The following CREG1 variants were observed in gnomAD, a reference collection of about 807,000 sequenced individuals.
The protein encoded by CREG1 is cellular repressor of E1A stimulated genes 1.
CREG1 carries 20 observed loss-of-function variants against 19.9 expected under a neutral mutation model. The ratio of observed to expected loss-of-function variants is 1.01; its 90% CI spans 0.71 to 1.46. CREG1 has a LOEUF of 1.46. CREG1 is among the 40% of genes most tolerant of loss of function. CREG1 has a pLI of 0.00. For missense variants in CREG1, 290 were observed against 314.9 expected, an observed-to-expected ratio of 0.92 and a Z score of 0.60; for synonymous variants, 141 against 143.3, an observed-to-expected ratio of 0.98 and a Z score of 0.12.
intron 3 of CREG1, among the ~76,000 whole-genome samples, chr1:167,543,474 A>G (rs996113688): frequency 3.3e-5 from 5 of 150,840 alleles, no homozygotes; most frequent in African/African-American, 1.2e-4. Context: ...GAGGAATAAT[A>G]CCTTCCAAAA....
chr1:167,552,229 T>C (rs1395528707), intron 1 of CREG1, among the ~76,000 whole-genome samples: 1 of 152,196 alleles, frequency 6.6e-6, no homozygotes, highest in Non-Finnish European at 1.5e-5. Context: ...ATGGGGTATA[T>C]AATACCTACT....
intron 3 of CREG1, among the ~76,000 whole-genome samples, chr1:167,543,994 C>T (rs953331176): frequency 1.3e-5 from 2 of 152,208 alleles, no homozygotes; most frequent in Non-Finnish European, 2.9e-5. Flanking sequence ...AAGATAACTG[C>T]GCTTTAGAGA....
chr1:167,547,916 G>C lies in CREG1; in HGVS notation c.474+86C>G, dbSNP rs1656356453. 15 of 1,457,924 alleles carry C rather than the reference G, an allele frequency of 1.0e-5. 1 individual carries two copies. The South Asian group carries it at 1.4e-4, about 13-fold the overall frequency. 90.3% of individuals were successfully genotyped at this position (1,457,924 alleles called of 1,614,324 possible). A position where few individuals can be genotyped will look rare whatever the true frequency, so the allele number is the denominator to read the frequency against. On this transcript the variant is annotated intron_variant, in intron 2 of 3. Coordinates refer to ENST00000370509, the MANE Select transcript of CREG1 (RefSeq NM_003851.3). ...AGCCTGGGAGACAGAGTGAGACTCT[G>C]TCTCAAAAGAAAAATGATCTATTCT... is the stretch of plus-strand genomic sequence containing the variant.
At chr1:167,546,560 T>C (rs7516079) in intron 2 of CREG1, among the ~76,000 whole-genome samples, 101,130 of 151,770 alleles carry the variant, frequency 0.67, 34,434 homozygotes, top group East Asian at 0.94. Context: ...GAAAATGGCA[T>C]GAACCCGGGA....
chr1:167,553,052 GAA>G lies in CREG1; in HGVS notation c.354+334_354+335del, dbSNP rs61415477. 6.0e-3 allele frequency among the ~76,000 whole-genome samples: 849 copies of G among 142,056 alleles called. 3 individuals are homozygous for G. Among genetic ancestry groups the G allele is most frequent in the Non-Finnish European group, 7.9e-3 (513 of 65,314 alleles). 93.2% of individuals were successfully genotyped at this position (142,056 alleles called of 152,430 possible). A position where few individuals can be genotyped will look rare whatever the true frequency, so the allele number is the denominator to read the frequency against. Reference sequence around the variant, plus strand: ...ACAAAGTGAGATTCTGTCTCAAAGGGAAAAAAAAAAAAAAAGAGAATAGGAGC... The same window carrying G: ...ACAAAGTGAGATTCTGTCTCAAAGGGAAAAAAAAAAAAAGAGAATAGGAGC... On this transcript the variant is annotated intron_variant, in intron 1 of 3. Coordinates refer to ENST00000370509, the MANE Select transcript of CREG1 (RefSeq NM_003851.3).
chr1:167,545,611 G>A (rs7546274), intron 3 of CREG1, among the ~76,000 whole-genome samples: 2,237 of 152,178 alleles, frequency 0.015, 35 homozygotes, highest in Non-Finnish European at 0.026. Flanking sequence ...CAGACTGCCT[G>A]AGCTCAGGAG....
Position 167,553,394 on chromosome 1 carries a change from G to GT in CREG1, c.347dup (p.Asn116LysfsTer26). 1 of 1,424,174 alleles carries GT rather than the reference G, an allele frequency of 7.0e-7. No homozygotes were observed. Among genetic ancestry groups the GT allele is most frequent in the Admixed American group, 2.8e-5 (1 of 35,216 alleles). 88.2% of individuals were successfully genotyped at this position (1,424,174 alleles called of 1,614,324 possible). On this transcript the variant is annotated frameshift_variant, in exon 1 of 4. Transcript: ENST00000370509. LOFTEE classifies it high-confidence loss of function. Reference sequence around the variant, plus strand: ...GCCGCGGGCCCCAGCTCACCTGCAGGTTGCTCACGGAGAGCTGCAGCGGGC... The same window carrying GT: ...GCCGCGGGCCCCAGCTCACCTGCAGGTTTGCTCACGGAGAGCTGCAGCGGGC...
Position 167,548,111 on chromosome 1 carries a change from T to C in CREG1, c.365A>G (p.Tyr122Cys), listed in dbSNP as rs781368173. Residue 122 changes from tyrosine (Y) to cysteine (C), a missense_variant, in exon 2 of 4, where the codon TAT becomes TGT. Tyr to Cys is a radical substitution (Grantham distance 194). Transcript: ENST00000370509. ...LSVSNLQENPYATLTMTLAQT... is the reference protein window; with the variant it reads ...LSVSNLQENPCATLTMTLAQT... ...TGCCAAAGTCATGGTCAGTGTAGCA[T>C]ATGGATTCTCCTATAGAGAGAAAAT... 6.1e-5 allele frequency: 98 copies of C among 1,611,056 alleles called. No homozygotes were observed. Among genetic ancestry groups the C allele is most frequent in the Non-Finnish European group, 7.6e-5 (89 of 1,177,482 alleles).
At chr1:167,542,816 G>A (rs1157003748) in intron 3 of CREG1, among the ~76,000 whole-genome samples, 1 of 152,186 alleles carries the variant, frequency 6.6e-6, no homozygotes, top group East Asian at 1.9e-4. Flanking sequence ...GGGCAAGTCT[G>A]TAATCCATGA....
chr1:167,551,853 G>A (rs1656428063), intron 1 of CREG1, among the ~76,000 whole-genome samples: 1 of 152,164 alleles, frequency 6.6e-6, no homozygotes, highest in South Asian at 2.1e-4. Context: ...GAATGGGCTG[G>A]GAATAAGAAA....
intron 2 of CREG1, among the ~76,000 whole-genome samples, chr1:167,547,500 C>T (rs913691445): frequency 7.9e-5 from 12 of 152,140 alleles, no homozygotes; most frequent in African/African-American, 2.9e-4. Flanking sequence ...TTTGTCATAT[C>T]TTATTTAACA....
intron 1 of CREG1, among the ~76,000 whole-genome samples, chr1:167,553,158 A>C (rs990906893): frequency 6.6e-6 from 1 of 152,046 alleles, no homozygotes; most frequent in African/African-American, 2.4e-5. Context: ...CTGGCAGAGA[A>C]TTTACCCCAG....
At position 167,549,960 on chromosome 1, in the gene CREG1, T is replaced by G. The variant is rs150966866; in HGVS notation, c.355-1839A>C. Among the ~76,000 whole-genome samples, 18 of 152,262 alleles carry G rather than the reference T, an allele frequency of 1.2e-4. No individual in the cohort carries two copies. In the East Asian group the frequency reaches 3.5e-3, roughly 29 times the overall value. On this transcript the variant is annotated intron_variant, in intron 1 of 3. Coordinates refer to ENST00000370509, the MANE Select transcript of CREG1 (RefSeq NM_003851.3). ...CCTCGGCCTTCCAAAGTGTTGGGAT[T>G]ACAGGCATGAGCCACCAAGCTGTCC...
At position 167,542,241 on chromosome 1, in the gene CREG1, G is replaced by A; in HGVS notation, c.*57C>T. 1 of 1,526,326 alleles carries A rather than the reference G, an allele frequency of 6.6e-7. No individual in the cohort carries two copies. Among genetic ancestry groups the A allele is most frequent in the Non-Finnish European group, 8.9e-7 (1 of 1,126,944 alleles). 94.5% of individuals were successfully genotyped at this position (1,526,326 alleles called of 1,614,324 possible). A position where few individuals can be genotyped will look rare whatever the true frequency, so the allele number is the denominator to read the frequency against. On this transcript the variant is annotated 3_prime_UTR_variant, in exon 4 of 4. Coordinates refer to ENST00000370509, the MANE Select transcript of CREG1 (RefSeq NM_003851.3). The stretch of plus-strand genomic sequence containing the variant: ...CAGAGAAACATTAAGCCTTTTAAGT[G>A]TGTATGAGCCACTTTAAGAAACTTC...
rs1476619225 is a variant in CREG1 at position 167,546,300 on chromosome 1, T to A, written c.475-15A>T. 6.6e-7 allele frequency: 1 copy of A among 1,513,156 alleles called. No individual in the cohort carries two copies. The highest frequency in any genetic ancestry group is 1.2e-5 in the South Asian group (1 of 82,818). 93.7% of individuals were successfully genotyped at this position (1,513,156 alleles called of 1,614,324 possible). Reference sequence around the variant, plus strand: ...GTTTCATTCACCTAAAGGACATATATGAAATAAACATTCTTATGGCAGTAA... The same window carrying A: ...GTTTCATTCACCTAAAGGACATATAAGAAATAAACATTCTTATGGCAGTAA... On this transcript the variant is annotated splice_polypyrimidine_tract_variant and intron_variant, in intron 2 of 3. Transcript: ENST00000370509.
chr1:167,547,729 T>C (rs1656354130), intron 2 of CREG1, among the ~76,000 whole-genome samples: 1 of 152,138 alleles, frequency 6.6e-6, no homozygotes, highest in East Asian at 1.9e-4. Flanking sequence ...AAGACCAGCC[T>C]GGCCAACATG....
chr1:167,550,232 G>A (rs1423884480), intron 1 of CREG1, among the ~76,000 whole-genome samples: 1 of 151,668 alleles, frequency 6.6e-6, no homozygotes, highest in Non-Finnish European at 1.5e-5. Flanking sequence ...CAGGTGATCC[G>A]CTCACCTCGA....
intron 3 of CREG1, among the ~76,000 whole-genome samples, chr1:167,542,753 T>C (rs1251443960): frequency 6.6e-6 from 1 of 152,166 alleles, no homozygotes; most frequent in East Asian, 1.9e-4. Context: ...GAGGTGAACT[T>C]TCCCCCTTTC....
At chr1:167,545,043 T>C (rs1218965475) in intron 3 of CREG1, among the ~76,000 whole-genome samples, 8 of 152,164 alleles carry the variant, frequency 5.3e-5, no homozygotes, top group Admixed American at 4.6e-4. Flanking sequence ...TTTTCTCCCA[T>C]GGCCTCTTTT....
Sources: allele counts gnomAD v4.1 joint callset (sites outside exome capture counted in the v4.1 genomes callset), GRCh38; gene constraint gnomAD v4.1.1; transcripts MANE v1.5; gene names NCBI Gene and HGNC (gene_info 2026-07-23, HGNC 2026-07-21).